TBK1: variants seen among roughly 807,000 people sequenced by gnomAD.
TBK1 encodes the protein TANK binding kinase 1, also known as serine/threonine-protein kinase TBK1.
Under a neutral mutation model 99.9 loss-of-function variants are expected in TBK1, and 37 were observed. The observed-to-expected ratio is 0.37, with a 90% CI of 0.28 to 0.49. The LOEUF (loss-of-function observed/expected upper bound fraction) is 0.49. TBK1 is among the 20% of genes least tolerant of loss of function. The pLI, the probability that TBK1 is intolerant of heterozygous loss-of-function variation, is 0.98. For missense variants in TBK1, 644 were observed against 872.5 expected (o/e 0.74, Z 3.30); for synonymous variants, 258 against 279.8 (o/e 0.92, Z 0.78).
intron 11 of TBK1, 77 bp from the exon 12 acceptor site, chr12:64,488,408 TAG>T: frequency 1.4e-6 from 1 of 719,328 alleles, no homozygotes; most frequent in Non-Finnish European, 2.3e-6. Context: ...TTTTGAACTG[TAG>T]TACTGCAGTA....
intron 3 of TBK1, among the ~76,000 whole-genome samples, chr12:64,463,549 A>G (rs1039644897): frequency 7.3e-5 from 11 of 151,600 alleles, no homozygotes; most frequent in South Asian, 2.1e-4. Flanking sequence ...ATAATAGAAA[A>G]ATTAGCCAGG....
chr12:64,452,903 T>G (rs571429779), intron 1 of TBK1: 2 of 152,348 alleles, frequency 1.3e-5, no homozygotes, highest in East Asian at 3.9e-4. Flanking sequence ...AGACTGGTCT[T>G]TTCCACTCTG....
intron 2 of TBK1, among the ~76,000 whole-genome samples, chr12:64,456,924 T>C (rs2040495738): frequency 6.6e-6 from 1 of 151,912 alleles, no homozygotes; most frequent in South Asian, 2.1e-4. Context: ...ATTAAGAAAT[T>C]GAAGATAATT....
At chr12:64,456,562 C>T (rs561789632) in intron 2 of TBK1, among the ~76,000 whole-genome samples, 8 of 152,146 alleles carry the variant, frequency 5.3e-5, no homozygotes, top group Admixed American at 1.3e-4. Flanking sequence ...AAAAAGGGGC[C>T]GGGCGCGGTG....
In TBK1 at chr12:64,474,382, A is replaced by G; in HGVS notation, c.693A>G (p.Lys231=). 2 of 1,609,370 alleles carry G rather than the reference A, an allele frequency of 1.2e-6. No individual in the cohort carries two copies. Among genetic ancestry groups the G allele is most frequent in the Non-Finnish European group, 1.7e-6 (2 of 1,178,578 alleles). The part of the protein sequence containing the change: ...FRPFEGPRRN[K]EVMYKIITGK... ...CCTTTGAAGGGCCTCGTAGGAATAA[A>G]GAAGTGATGTAAGTGGTTTCCCGAT... is the stretch of plus-strand genomic sequence containing the variant. Residue 231 remains lysine (K), a synonymous_variant, in exon 6 of 21, where the codon AAA becomes AAG. Coordinates refer to ENST00000331710, the MANE Select transcript of TBK1 (RefSeq NM_013254.4).
rs2040480790 is a variant in TBK1 at position 64,455,804 on chromosome 12, C to T, written c.-31-36C>T. On this transcript the variant is annotated intron_variant, in intron 1 of 20. Coordinates refer to ENST00000331710, the MANE Select transcript of TBK1 (RefSeq NM_013254.4). The stretch of plus-strand genomic sequence containing the variant: ...ATTTGTTTCTTAGCTGTGTTACTCC[C>T]TTAAAACATAGTTGCAAATTTTTTT... 2.5e-6 allele frequency: 3 copies of T among 1,206,420 alleles called. No individual in the cohort carries two copies. In the South Asian group the frequency reaches 4.1e-5, roughly 17 times the overall value. The allele number at this position is 1,206,420 out of a possible 1,614,324, so 74.7% of individuals were successfully genotyped here.
intron 3 of TBK1, among the ~76,000 whole-genome samples, chr12:64,461,589 C>T (rs2040548862): frequency 6.6e-6 from 1 of 152,156 alleles, no homozygotes; most frequent in Non-Finnish European, 1.5e-5. Context: ...AGATAGTTAC[C>T]TGGAATTAGC....
chr12:64,496,919 T>C lies in TBK1; in HGVS notation c.1761-30T>C, dbSNP rs1592376682. On this transcript the variant is annotated intron_variant, in intron 16 of 20. Coordinates refer to ENST00000331710, the MANE Select transcript of TBK1 (RefSeq NM_013254.4). ...TTGAAAGTAGAAACAGTGACATTGG[T>C]TTAAGCCTCTGATTATTTCTAAATT... 5.3e-6 allele frequency: 8 copies of C among 1,501,790 alleles called. No individual in the cohort carries two copies. The African/African-American group carries it at 6.9e-5, about 13-fold the overall frequency. The allele number at this position is 1,501,790 out of a possible 1,614,324, so 93.0% of individuals were successfully genotyped here.
At position 64,501,896 on chromosome 12, in the gene TBK1, A is replaced by G. The variant is rs1868249183; in HGVS notation, c.*515A>G. The G allele has an allele frequency of 6.6e-6, 1 of 152,542 alleles. No homozygotes were observed. 9.4% of individuals were successfully genotyped at this position (152,542 alleles called of 1,614,324 possible). On this transcript the variant is annotated 3_prime_UTR_variant, in exon 21 of 21. Transcript: ENST00000331710. ...TTATTTTATTTTACAAGGTGCCCAG[A>G]TCCCAGTTATCCTTGTATCCATGTA...
At chr12:64,454,630 T>C (rs1218175576) in intron 1 of TBK1, among the ~76,000 whole-genome samples, 2 of 149,712 alleles carry the variant, frequency 1.3e-5, no homozygotes, top group Admixed American at 1.3e-4. Context: ...TTTTCAAAGC[T>C]CATACAGCAT....
chr12:64,459,225 C>T (rs2040521529), intron 2 of TBK1, among the ~76,000 whole-genome samples: 1 of 152,084 alleles, frequency 6.6e-6, no homozygotes, highest in African/African-American at 2.4e-5. Context: ...GAAGTTCAAC[C>T]TTGGATAAAT....
At chr12:64,469,760 A>C (rs565593780) in intron 5 of TBK1, among the ~76,000 whole-genome samples, 19 of 151,900 alleles carry the variant, frequency 1.3e-4, no homozygotes, top group African/African-American at 4.6e-4. Context: ...TCAAAAATTC[A>C]ATTTCTCTCT....
intron 11 of TBK1, 93 bp downstream of exon 11, chr12:64,486,110 CTTGA>C (rs1258870335): frequency 4.4e-5 from 34 of 778,872 alleles, no homozygotes; most frequent in Non-Finnish European, 7.9e-6. Context: ...AGGTTAGGTG[CTTGA>C]TTTTTATTAT....
intron 5 of TBK1, among the ~76,000 whole-genome samples, chr12:64,472,023 T>C (rs2040667188): frequency 6.6e-6 from 1 of 152,018 alleles, no homozygotes; most frequent in Non-Finnish European, 1.5e-5. Context: ...ATGACACCAT[T>C]TACACACTAA....
intron 13 of TBK1, among the ~76,000 whole-genome samples, chr12:64,491,818 A>G (rs1245541492): frequency 6.6e-6 from 1 of 152,212 alleles, no homozygotes; most frequent in Admixed American, 6.5e-5. Flanking sequence ...ATGAGTAATG[A>G]ACAACTAGTA....
chr12:64,452,325 G>A, intron 1 of TBK1, 138 bp downstream of exon 1: 1 of 152,510 alleles, frequency 6.6e-6, no homozygotes, highest in Non-Finnish European at 1.5e-5. Context: ...GGGGGCGGGC[G>A]CACCGAGAAG....
chr12:64,501,620 G>A lies in TBK1; in HGVS notation c.*239G>A, dbSNP rs528257070. 23 of 438,432 alleles carry A rather than the reference G, an allele frequency of 5.2e-5. No homozygotes were observed. Among genetic ancestry groups the A allele is most frequent in the South Asian group, 3.4e-4 (10 of 29,736 alleles). 27.2% of individuals were successfully genotyped at this position (438,432 alleles called of 1,614,324 possible). On this transcript the variant is annotated 3_prime_UTR_variant, in exon 21 of 21. Coordinates refer to ENST00000331710, the MANE Select transcript of TBK1 (RefSeq NM_013254.4). ...GAGGAAATTTGACCTCAGTGATCAC[G>A]AGAAGAAAGCCATGACCGACCAATA...
chr12:64,490,853 C>T (rs376699395), intron 13 of TBK1, among the ~76,000 whole-genome samples: 4 of 149,170 alleles, frequency 2.7e-5, no homozygotes, highest in South Asian at 2.1e-4. Flanking sequence ...ACCCAGGAAG[C>T]GGAGGTTGTA....
intron 6 of TBK1, among the ~76,000 whole-genome samples, chr12:64,477,684 T>G (rs989325086): frequency 6.6e-6 from 1 of 152,192 alleles, no homozygotes; most frequent in Admixed American, 6.5e-5. Context: ...CTTCTAGTAC[T>G]ATGTTGAATA....
Sources: gnomAD v4.1 joint callset for allele counts (sites outside exome capture counted in the v4.1 genomes callset) on GRCh38, gnomAD v4.1.1 for gene constraint, MANE v1.5 for transcripts, NCBI Gene and HGNC (gene_info 2026-07-23, HGNC 2026-07-21) for gene names.